Variants in MACROD2 observed in about 807,000 individuals in gnomAD.
MACROD2 encodes ADP-ribose glycohydrolase MACROD2.
A neutral mutation model predicts 70.4 loss-of-function variants in MACROD2; 36 were observed. The observed-to-expected ratio is 0.51, with a 90% CI of 0.39 to 0.68. MACROD2 has a LOEUF of 0.68. Ranked by LOEUF, MACROD2 falls within the 30% of genes least tolerant of loss-of-function variation. The pLI is 0.00. For missense variants in MACROD2, 496 were observed against 538.4 expected (o/e 0.92, Z 0.78); for synonymous variants, 172 against 178.8 (o/e 0.96, Z 0.30).
At chr20:15,523,012 A>C (rs1284441720) in intron 8 of MACROD2, among the ~76,000 whole-genome samples, 1 of 152,216 alleles carries the variant, frequency 6.6e-6, no homozygotes, top group Non-Finnish European at 1.5e-5. Context: ...GACAATTACA[A>C]GTTAAACTGG....
At chr20:15,681,881 G>A (rs1041401961) in intron 8 of MACROD2, among the ~76,000 whole-genome samples, 11 of 152,152 alleles carry the variant, frequency 7.2e-5, no homozygotes, top group African/African-American at 2.7e-4. Context: ...TGGCTTTGGG[G>A]ACTAAGAAGC....
At chr20:15,734,725 G>T (rs1240527846) in intron 8 of MACROD2, among the ~76,000 whole-genome samples, 8 of 152,192 alleles carry the variant, frequency 5.3e-5, no homozygotes, top group Admixed American at 5.2e-4. Context: ...TCTATATATA[G>T]AAATTTCCTT....
intron 8 of MACROD2, among the ~76,000 whole-genome samples, chr20:15,841,125 A>T (rs1010302014): frequency 1.3e-5 from 2 of 152,188 alleles, no homozygotes; most frequent in African/African-American, 2.4e-5. Context: ...TGTGTTTCAC[A>T]TGCTGGCCTT....
At chr20:15,891,946 G>A (rs1169784481) in intron 10 of MACROD2, among the ~76,000 whole-genome samples, 5 of 152,164 alleles carry the variant, frequency 3.3e-5, no homozygotes, top group Non-Finnish European at 7.4e-5. Flanking sequence ...ATGGGAAGGA[G>A]GTGGCTACGG....
chr20:14,236,194 A>G (rs868366784), intron 3 of MACROD2, among the ~76,000 whole-genome samples: 2 of 152,148 alleles, frequency 1.3e-5, no homozygotes, highest in African/African-American at 2.4e-5. Flanking sequence ...CTTACGTCCT[A>G]TAATTTCAAT....
At chr20:14,629,365 A>G (rs993822600) in intron 4 of MACROD2, among the ~76,000 whole-genome samples, 8 of 152,222 alleles carry the variant, frequency 5.3e-5, no homozygotes, top group Admixed American at 6.5e-5. Flanking sequence ...ATGTAATTCA[A>G]AATACAACAC....
intron 5 of MACROD2, among the ~76,000 whole-genome samples, chr20:15,041,437 T>TTC (rs1015059081): frequency 1.2e-4 from 18 of 151,086 alleles, no homozygotes; most frequent in African/African-American, 2.4e-4. Context: ...TTAAATTAAT[T>TTC]TCTCTCTCTC....
At chr20:14,789,814 AC>A (rs2072427590) in intron 5 of MACROD2, among the ~76,000 whole-genome samples, 1 of 151,740 alleles carries the variant, frequency 6.6e-6, no homozygotes, top group Admixed American at 6.6e-5. Flanking sequence ...TAAACCACCC[AC>A]CTTGATTTAC....
chr20:15,788,673 A>G (rs1381247397), intron 8 of MACROD2, among the ~76,000 whole-genome samples: 1 of 152,212 alleles, frequency 6.6e-6, no homozygotes, highest in African/African-American at 2.4e-5. Flanking sequence ...CAGAATGAGA[A>G]CAGAATAAAT....
intron 8 of MACROD2, among the ~76,000 whole-genome samples, chr20:15,680,349 C>T (rs2050144119): frequency 1.3e-5 from 2 of 152,116 alleles, no homozygotes; most frequent in African/African-American, 4.8e-5. Context: ...ACCTTGGTGA[C>T]AGTTTGGTGA....
intron 3 of MACROD2, among the ~76,000 whole-genome samples, chr20:14,115,087 T>C (rs6042539): frequency 0.99 from 151,420 of 152,246 alleles, 75,303 homozygotes; most frequent in East Asian, 1. Flanking sequence ...AAAAAAATGG[T>C]AGGGCATTGT....
chr20:15,346,941 C>T (rs958115880), intron 6 of MACROD2, among the ~76,000 whole-genome samples: 1 of 152,128 alleles, frequency 6.6e-6, no homozygotes, highest in African/African-American at 2.4e-5. Flanking sequence ...GTAGGCAAAG[C>T]TGGCTTGGGT....
intron 14 of MACROD2, 79 bp downstream of exon 14, chr20:15,986,880 T>C: frequency 8.7e-7 from 1 of 1,150,580 alleles, no homozygotes; most frequent in African/African-American, 1.5e-5. Context: ...CCTGTGTGTG[T>C]GCGTGGTGTG....
chr20:14,863,331 G>T (rs576893379), intron 5 of MACROD2, among the ~76,000 whole-genome samples: 2 of 152,044 alleles, frequency 1.3e-5, no homozygotes, highest in Non-Finnish European at 2.9e-5. Context: ...TTTTCTCCCC[G>T]ATCACACTGA....
chr20:14,845,326 A>G (rs1402817115), intron 5 of MACROD2, among the ~76,000 whole-genome samples: 1 of 152,092 alleles, frequency 6.6e-6, no homozygotes, highest in Non-Finnish European at 1.5e-5. Context: ...AGAGGATTAT[A>G]TGGCTGAACA....
chr20:14,502,536 A>G (rs1210666586), intron 4 of MACROD2, among the ~76,000 whole-genome samples: 1 of 152,164 alleles, frequency 6.6e-6, no homozygotes. Context: ...TTATAATGGT[A>G]CCTAACTACT....
chr20:16,005,887 T>G lies in MACROD2; in HGVS notation c.1153+18729T>G, dbSNP rs904401487. 2.0e-5 allele frequency among the ~76,000 whole-genome samples: 3 copies of G among 152,224 alleles called. 1 individual carries two copies. Among genetic ancestry groups the G allele is most frequent in the Non-Finnish European group, 4.4e-5 (3 of 68,042 alleles). ...CTGCCCTCTTCCTTTTCCCCTATTG[T>G]TCTCTCAGTAACACCACCAGCAGAT... On this transcript the variant is annotated intron_variant, in intron 15 of 17. Coordinates refer to ENST00000684519, the MANE Select transcript of MACROD2 (RefSeq NM_001351661.2).
At chr20:14,074,324 T>C (rs1275265054) in intron 2 of MACROD2, among the ~76,000 whole-genome samples, 3 of 152,192 alleles carry the variant, frequency 2.0e-5, no homozygotes, top group Admixed American at 2.0e-4. Context: ...GGTCCTGTGA[T>C]ACGGGTAGGA....
chr20:15,833,059 G>T (rs2876414), intron 8 of MACROD2, among the ~76,000 whole-genome samples: 5,241 of 152,102 alleles, frequency 0.034, 236 homozygotes, highest in East Asian at 0.21. Context: ...CTGGAAAAAA[G>T]TCTCCTTTTT....
Sources: allele counts gnomAD v4.1 joint callset (sites outside exome capture counted in the v4.1 genomes callset), GRCh38; gene constraint gnomAD v4.1.1; transcripts MANE v1.5; gene names NCBI Gene and HGNC (gene_info 2026-07-23, HGNC 2026-07-21).